APBB2: variants seen among roughly 807,000 people sequenced by gnomAD.
APBB2 encodes the protein amyloid beta precursor protein binding family B member 2.
A neutral mutation model predicts 82.5 loss-of-function variants in APBB2; 38 were observed. That is an observed-to-expected ratio of 0.46 (90% CI 0.36 to 0.60). The LOEUF is 0.60. Among genes scored for constraint, APBB2 ranks in the 20% least tolerant of loss-of-function variants. APBB2 has a pLI of 0.00. For missense variants in APBB2, 772 were observed against 972.3 expected (o/e 0.79, Z 2.74); for synonymous variants, 341 against 368.2 (o/e 0.93, Z 0.85).
chr4:41,039,016 C>A (rs953222774), intron 4 of APBB2, among the ~76,000 whole-genome samples: 1 of 152,150 alleles, frequency 6.6e-6, no homozygotes, highest in Non-Finnish European at 1.5e-5. Context: ...AAATGCTGAA[C>A]AACTCTTTGG....
chr4:40,897,341 T>C (rs999684417), intron 10 of APBB2, among the ~76,000 whole-genome samples: 5 of 152,104 alleles, frequency 3.3e-5, no homozygotes, highest in Non-Finnish European at 5.9e-5. Context: ...CCGTTTCTAC[T>C]AAAAATACAA....
intron 3 of APBB2, among the ~76,000 whole-genome samples, chr4:41,092,752 A>G (rs984986579): frequency 3.9e-5 from 6 of 152,122 alleles, no homozygotes; most frequent in African/African-American, 1.4e-4. Flanking sequence ...TTGCTCTTAC[A>G]GCAATCTAAG....
At chr4:41,111,044 G>A (rs1302994835) in intron 2 of APBB2, among the ~76,000 whole-genome samples, 1 of 152,198 alleles carries the variant, frequency 6.6e-6, no homozygotes, top group Non-Finnish European at 1.5e-5. Context: ...TCAGGCATTA[G>A]ATTCTCATAA....
chr4:41,136,737 G>T (rs1298964721), intron 2 of APBB2, among the ~76,000 whole-genome samples: 2 of 152,156 alleles, frequency 1.3e-5, no homozygotes, highest in Non-Finnish European at 2.9e-5. Context: ...GCAATAGTCA[G>T]CTCAGCTATG....
At chr4:41,146,775 T>C (rs1373381357) in intron 1 of APBB2, among the ~76,000 whole-genome samples, 1 of 152,030 alleles carries the variant, frequency 6.6e-6, no homozygotes, top group African/African-American at 2.4e-5. Flanking sequence ...TCAGAAACAA[T>C]CCCTGAAAGG....
intron 6 of APBB2, among the ~76,000 whole-genome samples, chr4:40,959,604 T>C (rs939998824): frequency 2.0e-5 from 3 of 152,212 alleles, no homozygotes; most frequent in South Asian, 2.1e-4. Flanking sequence ...ATTTGGGCAA[T>C]TGACACAGTA....
chr4:40,902,202 G>A (rs531636604), intron 10 of APBB2, among the ~76,000 whole-genome samples: 3 of 151,900 alleles, frequency 2.0e-5, no homozygotes, highest in South Asian at 2.1e-4. Context: ...TGTTAAGTAA[G>A]GATTTACTGT....
chr4:41,079,084 C>A (rs2153927003), intron 3 of APBB2, among the ~76,000 whole-genome samples: 1 of 152,326 alleles, frequency 6.6e-6, no homozygotes, highest in East Asian at 1.9e-4. Flanking sequence ...GCTGAAGTGA[C>A]AGAGTTGGTA....
chr4:40,958,788 T>C (rs917537222), intron 6 of APBB2, among the ~76,000 whole-genome samples: 2 of 152,206 alleles, frequency 1.3e-5, no homozygotes, highest in East Asian at 3.8e-4. Flanking sequence ...AAATTTTTTG[T>C]AGAGATGGGG....
chr4:41,092,621 G>A (rs1479658537), intron 3 of APBB2, among the ~76,000 whole-genome samples: 2 of 151,638 alleles, frequency 1.3e-5, no homozygotes, highest in African/African-American at 2.4e-5. Flanking sequence ...CCCGAGAGGC[G>A]GAGGTTGTGG....
At chr4:41,069,527 C>A (rs1357747530) in intron 3 of APBB2, among the ~76,000 whole-genome samples, 1 of 152,184 alleles carries the variant, frequency 6.6e-6, no homozygotes, top group Non-Finnish European at 1.5e-5. Flanking sequence ...AAGATCCAGG[C>A]CATTTCTGGA....
At chr4:41,081,247 T>A (rs972790015) in intron 3 of APBB2, among the ~76,000 whole-genome samples, 16 of 152,342 alleles carry the variant, frequency 1.1e-4, no homozygotes, top group African/African-American at 3.8e-4. Context: ...GGACAGTGAT[T>A]CTGCACAGCA....
intron 5 of APBB2, among the ~76,000 whole-genome samples, chr4:41,028,341 T>C (rs1167971204): frequency 6.6e-6 from 1 of 152,224 alleles, no homozygotes; most frequent in Non-Finnish European, 1.5e-5. Flanking sequence ...CCAATCACAG[T>C]AGCAAATCCC....
intron 6 of APBB2, among the ~76,000 whole-genome samples, chr4:40,992,351 T>C (rs1015918264): frequency 3.1e-4 from 16 of 51,234 alleles, no homozygotes; most frequent in African/African-American, 7.5e-4. Context: ...TTATTTATTT[T>C]TGGTAGAGAT....
intron 12 of APBB2, among the ~76,000 whole-genome samples, chr4:40,859,000 G>C (rs1762121037): frequency 6.6e-6 from 1 of 152,196 alleles, no homozygotes; most frequent in Admixed American, 6.6e-5. Context: ...TAACAGGATT[G>C]TACCTGTCAC....
intron 2 of APBB2, among the ~76,000 whole-genome samples, chr4:41,128,358 A>T (rs992171127): frequency 2.4e-4 from 37 of 152,210 alleles, no homozygotes; most frequent in African/African-American, 8.7e-4. Flanking sequence ...AGCAGTTTGG[A>T]GACTTCTCAA....
chr4:40,919,897 G>A (rs1023968663), intron 10 of APBB2, among the ~76,000 whole-genome samples: 2 of 152,146 alleles, frequency 1.3e-5, no homozygotes, highest in Admixed American at 6.5e-5. Context: ...TTAGCCACAC[G>A]GCTCATTGCT....
intron 1 of APBB2, among the ~76,000 whole-genome samples, chr4:41,198,042 T>C: frequency 2.0e-5 from 3 of 152,238 alleles, no homozygotes; most frequent in Non-Finnish European, 4.4e-5. Flanking sequence ...AAAGGCGCTA[T>C]TATTGTCTCC....
intron 6 of APBB2, among the ~76,000 whole-genome samples, chr4:40,983,972 T>G (rs114105433): frequency 0.034 from 5,225 of 152,318 alleles, 129 homozygotes; most frequent in Middle Eastern, 0.071. Flanking sequence ...GTTCAATGGT[T>G]AATTAAATGA....
Sources: gnomAD v4.1 joint callset for allele counts (sites outside exome capture counted in the v4.1 genomes callset) on GRCh38, gnomAD v4.1.1 for gene constraint, MANE v1.5 for transcripts, NCBI Gene and HGNC (gene_info 2026-07-23, HGNC 2026-07-21) for gene names.